The following FBXL20 variants were observed in gnomAD, a reference collection of about 807,000 sequenced individuals.
FBXL20 encodes F-box and leucine rich repeat protein 20, also known as F-box/LRR-repeat protein 20.
A neutral mutation model predicts 64.0 loss-of-function variants in FBXL20; 11 were observed. The ratio of observed to expected loss-of-function variants is 0.17; its 90% CI spans 0.11 to 0.28. The LOEUF (loss-of-function observed/expected upper bound fraction) is 0.28, where lower values mean the gene tolerates loss of function less well. FBXL20 is among the 10% of genes least tolerant of loss of function. The pLI is 1.00. For synonymous variants in FBXL20, 184 were observed against 189.0 expected, an observed-to-expected ratio of 0.97 and a Z score of 0.22; for missense variants, 303 against 526.2, an observed-to-expected ratio of 0.58 and a Z score of 4.15.
intron 2 of FBXL20, among the ~76,000 whole-genome samples, chr17:39,323,127 G>GCACA (rs2047374427): frequency 6.6e-6 from 1 of 152,052 alleles, no homozygotes; most frequent in Admixed American, 6.6e-5. Flanking sequence ...CTGCCACTGT[G>GCACA]CCCAGCCAAT....
intron 2 of FBXL20, among the ~76,000 whole-genome samples, chr17:39,326,820 C>A (rs1414851713): frequency 1.3e-5 from 2 of 149,996 alleles, no homozygotes; most frequent in East Asian, 4.0e-4. Context: ...AGAGACAGGG[C>A]TCTCACTATG....
intron 6 of FBXL20, among the ~76,000 whole-genome samples, chr17:39,293,726 GT>G (rs2047061029): frequency 2.0e-5 from 3 of 151,698 alleles, no homozygotes; most frequent in South Asian, 2.1e-4. Context: ...CCCAGTAATT[GT>G]TTTTTTCCTC....
chr17:39,276,760 T>C (rs928449643), intron 9 of FBXL20, among the ~76,000 whole-genome samples: 9 of 152,164 alleles, frequency 5.9e-5, no homozygotes, highest in African/African-American at 1.4e-4. Context: ...ACTGAGTAAT[T>C]TGTTGCACAA....
chr17:39,363,395 G>A (rs1180866470), intron 1 of FBXL20, among the ~76,000 whole-genome samples: 5 of 152,000 alleles, frequency 3.3e-5, no homozygotes, highest in African/African-American at 9.7e-5. Context: ...AGTCTCAAGT[G>A]ATCCTCCCGC....
intron 1 of FBXL20, among the ~76,000 whole-genome samples, chr17:39,373,444 G>GAT (rs2144640227): frequency 6.6e-6 from 1 of 152,186 alleles, no homozygotes; most frequent in African/African-American, 2.4e-5. Flanking sequence ...ATGTCTATCT[G>GAT]ATAGACTTCA....
chr17:39,334,632 C>T (rs908449649), intron 2 of FBXL20, among the ~76,000 whole-genome samples: 1 of 152,114 alleles, frequency 6.6e-6, no homozygotes, highest in African/African-American at 2.4e-5. Context: ...AAAAAAATTT[C>T]ATATTCTTTT....
chr17:39,377,093 AT>A (rs1272358953), intron 1 of FBXL20, among the ~76,000 whole-genome samples: 1 of 152,142 alleles, frequency 6.6e-6, no homozygotes, highest in East Asian at 1.9e-4. Flanking sequence ...TAGCCACAAG[AT>A]TAGAAATTAT....
intron 2 of FBXL20, among the ~76,000 whole-genome samples, chr17:39,329,060 A>G (rs184980987): frequency 1.8e-4 from 27 of 152,296 alleles, no homozygotes; most frequent in South Asian, 6.2e-4. Flanking sequence ...CAAAAATAAA[A>G]TAAATACAAT....
rs533569995 is a variant in FBXL20 at position 39,281,242 on chromosome 17, C to A, written c.696+147G>T. 1.2e-5 allele frequency: 8 copies of A among 689,440 alleles called. No homozygotes were observed. The East Asian group carries it at 2.2e-4, about 19-fold the overall frequency. 42.7% of individuals were successfully genotyped at this position (689,440 alleles called of 1,614,324 possible). A position where few individuals can be genotyped will look rare whatever the true frequency, so the allele number is the denominator to read the frequency against. ...TAGGAATGAGTATTGTTAAGCACGT[C>A]AAAAGTCATCTGTGTGTTTACTTTG... On this transcript the variant is annotated intron_variant, in intron 9 of 14. Transcript: ENST00000264658.
rs1343068190 is a variant in FBXL20 at position 39,401,561 on chromosome 17, G to C, written c.-159C>G. On this transcript the variant is annotated 5_prime_UTR_variant, in exon 1 of 15. Transcript: ENST00000264658. ...ACAAGAGACCTCTCGGCTCCGGCTA[G>C]GCCTCCACCACCTCCCGCGGCGCCG... is the stretch of plus-strand genomic sequence containing the variant. 7.1e-7 allele frequency: 1 copy of C among 1,414,492 alleles called. No individual in the cohort carries two copies. The highest frequency in any genetic ancestry group is 2.8e-5 in the East Asian group (1 of 36,184). 87.6% of individuals were successfully genotyped at this position (1,414,492 alleles called of 1,614,324 possible). A position where few individuals can be genotyped will look rare whatever the true frequency, so the allele number is the denominator to read the frequency against.
At chr17:39,264,726 T>C (rs1263807689) in intron 13 of FBXL20, among the ~76,000 whole-genome samples, 3 of 152,220 alleles carry the variant, frequency 2.0e-5, no homozygotes, top group African/African-American at 7.2e-5. Context: ...ATCAAGCTTT[T>C]CATGCAGTTT....
rs545497055 is a variant in FBXL20, at chr17:39,394,965, G to A, written c.42+6396C>T. On this transcript the variant is annotated intron_variant, in intron 1 of 14. Coordinates refer to ENST00000264658, the MANE Select transcript of FBXL20 (RefSeq NM_032875.3). The stretch of plus-strand genomic sequence containing the variant: ...TAGGAATGAGATCCTTGGCCTGTAA[G>A]AAAGCACTTATAAATTTGCAAGAAA... 1.6e-4 allele frequency among the ~76,000 whole-genome samples: 25 copies of A among 152,270 alleles called. No homozygotes were observed. In the South Asian group the frequency reaches 5.0e-3, roughly 30 times the overall value.
intron 2 of FBXL20, among the ~76,000 whole-genome samples, chr17:39,325,801 C>A (rs1412994235): frequency 6.6e-6 from 1 of 152,002 alleles, no homozygotes; most frequent in Non-Finnish European, 1.5e-5. Context: ...CCATGACAGG[C>A]AGTTTGGGTA....
chr17:39,380,338 G>A (rs530422157), intron 1 of FBXL20, among the ~76,000 whole-genome samples: 32 of 152,192 alleles, frequency 2.1e-4, no homozygotes, highest in African/African-American at 7.5e-4. Flanking sequence ...ACCCTGTTCC[G>A]AATTCCCACC....
chr17:39,336,833 AAAG>A (rs1170665466), intron 2 of FBXL20, among the ~76,000 whole-genome samples: 2 of 152,018 alleles, frequency 1.3e-5, no homozygotes, highest in African/African-American at 4.8e-5. Flanking sequence ...CAAAAAAAAA[AAAG>A]AAAAGAAAAA....
chr17:39,290,965 T>C (rs7222252), intron 6 of FBXL20, among the ~76,000 whole-genome samples: 11,253 of 79,392 alleles, frequency 0.14, 1,015 homozygotes, highest in African/African-American at 0.47. Flanking sequence ...CCATTCTGTA[T>C]TTTTTTTTTT....
Position 39,296,210 on chromosome 17 carries a change from G to T in FBXL20, c.398+917C>A, listed in dbSNP as rs2047083725. On this transcript the variant is annotated intron_variant, in intron 6 of 14. Coordinates refer to ENST00000264658, the MANE Select transcript of FBXL20 (RefSeq NM_032875.3). ...CTGGTATAAAGTAATGGTGGGGGAA[G>T]AGGTTAGTATATTTCATCTCTCACA... Among the ~76,000 whole-genome samples, 2 of 152,126 alleles carry T rather than the reference G, an allele frequency of 1.3e-5. 1 individual carries two copies. Among genetic ancestry groups the T allele is most frequent in the South Asian group, 4.1e-4 (2 of 4,836 alleles).
chr17:39,294,166 G>T (rs1328282609), intron 6 of FBXL20, among the ~76,000 whole-genome samples: 31 of 151,624 alleles, frequency 2.0e-4, no homozygotes, highest in Admixed American at 2.0e-3. Flanking sequence ...TAAGACATAG[G>T]GTCTCACTAT....
At chr17:39,385,600 G>C (rs989034808) in intron 1 of FBXL20, among the ~76,000 whole-genome samples, 1 of 152,160 alleles carries the variant, frequency 6.6e-6, no homozygotes, top group Admixed American at 6.6e-5. Context: ...TGAGGCTACT[G>C]TAAGAACAGC....
Sources: allele counts gnomAD v4.1 joint callset (sites outside exome capture counted in the v4.1 genomes callset), GRCh38; gene constraint gnomAD v4.1.1; transcripts MANE v1.5; gene names NCBI Gene and HGNC (gene_info 2026-07-23, HGNC 2026-07-21).